Variants in SWT1 observed in about 807,000 individuals in gnomAD.
The protein encoded by SWT1 is transcriptional protein SWT1.
SWT1 carries 33 observed loss-of-function variants against 107.3 expected under a neutral mutation model. The ratio of observed to expected loss-of-function variants is 0.31; its 90% CI spans 0.23 to 0.41. The LOEUF (loss-of-function observed/expected upper bound fraction) is 0.41. SWT1 is among the 10% of genes least tolerant of loss of function. The pLI is 1.00. For synonymous variants in SWT1, 345 were observed against 348.3 expected, an observed-to-expected ratio of 0.99 and a Z score of 0.11; for missense variants, 898 against 1,028.9, an observed-to-expected ratio of 0.87 and a Z score of 1.74.
chr1:185,174,610 A>G lies in SWT1; in HGVS notation c.463A>G (p.Lys155Glu). The G allele has an allele frequency of 6.2e-7, 1 of 1,611,176 alleles. No homozygotes were observed. Among genetic ancestry groups the G allele is most frequent in the Non-Finnish European group, 8.5e-7 (1 of 1,179,318 alleles). The part of the protein sequence containing the change: ...DHGIKSLSSP[K>E]IASDVKPKAE... ...TGGAATTAAAAGCCTTAGTAGTCCT[A>G]AGATTGCCAGTGATGTGAAACCTAA... is the stretch of plus-strand genomic sequence containing the variant. Residue 155 changes from lysine (K) to glutamate (E), a missense_variant, in exon 5 of 19, where the codon AAG becomes GAG. This residue lies in a region of SWT1 where 382 missense variants were observed against 362.4 expected (regional missense o/e 1.05). Coordinates refer to ENST00000367500, the MANE Select transcript of SWT1 (RefSeq NM_017673.7).
intron 4 of SWT1, among the ~76,000 whole-genome samples, chr1:185,169,385 A>G (rs948286592): frequency 6.6e-6 from 1 of 151,616 alleles, no homozygotes; most frequent in African/African-American, 2.4e-5. Flanking sequence ...TTATATCAAT[A>G]TATACAAGAG....
At chr1:185,251,762 T>G (rs993160089) in intron 16 of SWT1, among the ~76,000 whole-genome samples, 2 of 151,374 alleles carry the variant, frequency 1.3e-5, no homozygotes, top group Non-Finnish European at 2.9e-5. Flanking sequence ...CAATTTGTTT[T>G]TTGCTTGATA....
chr1:185,180,965 T>C (rs762222635), intron 6 of SWT1, among the ~76,000 whole-genome samples: 33 of 152,164 alleles, frequency 2.2e-4, no homozygotes, highest in Non-Finnish European at 4.1e-4. Context: ...CACTTTGTAA[T>C]TGTCTTTTTA....
chr1:185,181,897 A>G (rs768441531), intron 6 of SWT1, 49 bp from the exon 7 acceptor site: 5 of 1,602,650 alleles, frequency 3.1e-6, no homozygotes, highest in Non-Finnish European at 1.7e-6. Context: ...CTCTCTTGTC[A>G]GTCTGCAAAG....
At chr1:185,285,530 A>G (rs1181726595) in intron 18 of SWT1, among the ~76,000 whole-genome samples, 2 of 152,124 alleles carry the variant, frequency 1.3e-5, no homozygotes, top group African/African-American at 4.8e-5. Context: ...TGGTGCACAA[A>G]AGTTTTTAAT....
chr1:185,243,512 A>C (rs577973666), intron 16 of SWT1, among the ~76,000 whole-genome samples: 1 of 152,160 alleles, frequency 6.6e-6, no homozygotes, highest in Non-Finnish European at 1.5e-5. Flanking sequence ...AAGTGATACA[A>C]TGTCCTCAAG....
At chr1:185,241,149 T>C (rs879691630) in intron 16 of SWT1, among the ~76,000 whole-genome samples, 2 of 152,140 alleles carry the variant, frequency 1.3e-5, no homozygotes, top group Non-Finnish European at 2.9e-5. Context: ...AACTAGTTGT[T>C]GAAACTAAAG....
At chr1:185,203,417 G>A (rs866826907) in intron 11 of SWT1, among the ~76,000 whole-genome samples, 3 of 152,012 alleles carry the variant, frequency 2.0e-5, no homozygotes, top group Admixed American at 6.6e-5. Context: ...TGAGGAGTTC[G>A]AGACCAGCCT....
chr1:185,246,110 A>G (rs1173056665), intron 16 of SWT1, among the ~76,000 whole-genome samples: 3 of 152,078 alleles, frequency 2.0e-5, no homozygotes, highest in African/African-American at 7.2e-5. Flanking sequence ...TATGTGGTCC[A>G]TTGTTGACCA....
At chr1:185,256,923 T>C (rs1662584443) in intron 16 of SWT1, among the ~76,000 whole-genome samples, 1 of 152,196 alleles carries the variant, frequency 6.6e-6, no homozygotes, top group Non-Finnish European at 1.5e-5. Context: ...TATTTACTTT[T>C]GGTCTTTGAT....
At position 185,221,889 on chromosome 1, in the gene SWT1, T is replaced by G. The variant is rs767495061; in HGVS notation, c.2162T>G (p.Val721Gly). The G allele has an allele frequency of 1.7e-5, 27 of 1,604,890 alleles. No individual in the cohort carries two copies. Among genetic ancestry groups the G allele is most frequent in the Non-Finnish European group, 2.3e-5 (27 of 1,177,230 alleles). Residue 721 changes from valine (V) to glycine (G), a missense_variant, in exon 15 of 19, where the codon GTG (valine) becomes GGG (glycine). Around this residue, in one of 6 missense-constraint regions of SWT1, gnomAD observed 382 missense variants for 460.0 expected, o/e 0.83. Transcript: ENST00000367500. ...KLKPNSSENTVTKKQEGTSLK... is the reference protein window; with the variant it reads ...KLKPNSSENTGTKKQEGTSLK... ...AAGCCAAATTCTTCAGAAAACACAGTGACTAAAAAGCAGGAAGGTACTTCA... is the reference window on the plus strand; with the variant it reads ...AAGCCAAATTCTTCAGAAAACACAGGGACTAAAAAGCAGGAAGGTACTTCA...
intron 6 of SWT1, 76 bp downstream of exon 6, chr1:185,180,526 CTG>C (rs1655934992): frequency 3.0e-6 from 3 of 1,010,936 alleles, no homozygotes; most frequent in Non-Finnish European, 4.6e-6. Flanking sequence ...AAAATAATGA[CTG>C]TAGAAACCCT....
intron 15 of SWT1, among the ~76,000 whole-genome samples, chr1:185,228,958 A>G (rs146732205): frequency 6.4e-4 from 97 of 152,340 alleles, no homozygotes; most frequent in African/African-American, 2.0e-3. Context: ...GGGGCAGAGT[A>G]GGAGGAGATG....
intron 15 of SWT1, among the ~76,000 whole-genome samples, chr1:185,225,824 A>G (rs1660006163): frequency 1.3e-5 from 2 of 152,198 alleles, no homozygotes; most frequent in South Asian, 2.1e-4. Context: ...ACTGTTATTC[A>G]TTGTAAGATT....
At chr1:185,210,570 A>T (rs1375004109) in intron 13 of SWT1, among the ~76,000 whole-genome samples, 1 of 152,176 alleles carries the variant, frequency 6.6e-6, no homozygotes, top group African/African-American at 2.4e-5. Flanking sequence ...GCTGTGTATG[A>T]CAAACCCACA....
chr1:185,181,481 A>G (rs1413354823), intron 6 of SWT1, among the ~76,000 whole-genome samples: 1 of 152,166 alleles, frequency 6.6e-6, no homozygotes, highest in East Asian at 1.9e-4. Flanking sequence ...TCAGTTTATG[A>G]TGGTTCATAA....
intron 16 of SWT1, among the ~76,000 whole-genome samples, chr1:185,269,523 G>A (rs574219775): frequency 2.6e-5 from 4 of 152,052 alleles, no homozygotes; most frequent in South Asian, 2.1e-4. Context: ...ACTATGTCCC[G>A]AAAAACTATT....
intron 14 of SWT1, among the ~76,000 whole-genome samples, chr1:185,215,914 T>A (rs1351616225): frequency 1.3e-5 from 2 of 152,158 alleles, no homozygotes; most frequent in African/African-American, 4.8e-5. Flanking sequence ...TTATCACTAT[T>A]ACTAAAAGAG....
chr1:185,226,546 G>A (rs1660072596), intron 15 of SWT1, among the ~76,000 whole-genome samples: 1 of 152,056 alleles, frequency 6.6e-6, no homozygotes, highest in Admixed American at 6.6e-5. Flanking sequence ...GACTAGCCTG[G>A]GCAACACAAC....
Sources: allele counts gnomAD v4.1 joint callset (sites outside exome capture counted in the v4.1 genomes callset), GRCh38; gene constraint gnomAD v4.1.1; regional missense constraint gnomAD v4.1.1; transcripts MANE v1.5; gene names NCBI Gene and HGNC (gene_info 2026-07-23, HGNC 2026-07-21).